Variants in DHX8 observed in about 807,000 individuals in gnomAD.
DHX8 encodes the protein DEAH-box helicase 8.
In DHX8, 67 loss-of-function variants were observed where a neutral mutation model predicts 140.7. That is an observed-to-expected ratio of 0.48 (90% CI 0.39 to 0.58). The LOEUF (loss-of-function observed/expected upper bound fraction) is 0.58, where lower values mean the gene tolerates loss of function less well. Among genes scored for constraint, DHX8 ranks in the 20% least tolerant of loss-of-function variants. DHX8 has a pLI of 0.00. For synonymous variants in DHX8, 533 were observed against 553.2 expected, an observed-to-expected ratio of 0.96 and a Z score of 0.51; for missense variants, 887 against 1,550.7, an observed-to-expected ratio of 0.57 and a Z score of 7.19.
intron 8 of DHX8, among the ~76,000 whole-genome samples, chr17:43,494,369 C>T (rs1465834941): frequency 6.6e-6 from 1 of 152,162 alleles, no homozygotes; most frequent in Non-Finnish European, 1.5e-5. Flanking sequence ...TACTCTACCT[C>T]ATGCCTCAGT....
rs774772142 is a variant in DHX8 at position 43,492,311 on chromosome 17, G to C, written c.503+19G>C. 3 of 1,600,902 alleles carry C rather than the reference G, an allele frequency of 1.9e-6. No homozygotes were observed. Among genetic ancestry groups the C allele is most frequent in the Non-Finnish European group, 2.6e-6 (3 of 1,168,972 alleles). ...AACACCGGTTTGTCCTTAGTGTCCT[G>C]TCCTTTGGAAGTTTAGGGTACTGTG... On this transcript the variant is annotated intron_variant, in intron 5 of 22. Coordinates refer to ENST00000262415, the MANE Select transcript of DHX8 (RefSeq NM_004941.3).
intron 2 of DHX8, chr17:43,532,926 G>C: frequency 6.4e-7 from 1 of 1,573,012 alleles, no homozygotes; most frequent in Non-Finnish European, 8.6e-7. Context: ...TCCAGGGGCT[G>C]CTGGAAGACG....
chr17:43,504,549 C>G, intron 11 of DHX8, 95 bp from the exon 12 acceptor site: 1 of 1,224,716 alleles, frequency 8.2e-7, no homozygotes, highest in South Asian at 1.5e-5. Context: ...AATTGAGATG[C>G]TGCATGTGCA....
At chr17:43,520,678 C>T in intron 19 of DHX8, 73 bp from the exon 20 acceptor site, 2 of 1,595,208 alleles carry the variant, frequency 1.3e-6, no homozygotes, top group Non-Finnish European at 1.7e-6. Flanking sequence ...CCACTCTGAC[C>T]AAGGTCTTGC....
rs780259581 is a variant in DHX8 at position 43,520,181 on chromosome 17, A to T, written c.2851A>T (p.Met951Leu). 6.8e-6 allele frequency: 11 copies of T among 1,614,100 alleles called. No homozygotes were observed. The South Asian group carries it at 1.2e-4, about 18-fold the overall frequency. Residue 951 changes from methionine to leucine, a missense_variant, in exon 19 of 23, where the codon ATG (methionine) becomes TTG (leucine). Met to Leu is a conservative substitution (Grantham distance 15). Coordinates refer to ENST00000262415, the MANE Select transcript of DHX8 (RefSeq NM_004941.3). Reference sequence around the variant, plus strand: ...CTTTGATTTCATGGATGCCCCACCTATGGAAACTTTGATCACAGCCATGGA... The same window carrying T: ...CTTTGATTTCATGGATGCCCCACCTTTGGAAACTTTGATCACAGCCATGGA... ...LSFDFMDAPP[M>L]ETLITAMEQL...
chr17:43,503,300 C>A (rs1969303220), intron 11 of DHX8, among the ~76,000 whole-genome samples: 1 of 151,996 alleles, frequency 6.6e-6, no homozygotes, highest in African/African-American at 2.4e-5. Flanking sequence ...GAGTTTGAGA[C>A]CAGCCTAGCC....
chr17:43,501,966 G>A (rs1969222669), intron 11 of DHX8, among the ~76,000 whole-genome samples: 1 of 152,196 alleles, frequency 6.6e-6, no homozygotes, highest in Non-Finnish European at 1.5e-5. Flanking sequence ...ATGTACTTGA[G>A]AAAAGTAATT....
intron 22 of DHX8, among the ~76,000 whole-genome samples, chr17:43,523,160 C>G (rs1013997115): frequency 6.6e-6 from 1 of 151,410 alleles, no homozygotes; most frequent in East Asian, 1.9e-4. Flanking sequence ...AAATTGGACT[C>G]TATCTAGAAC....
At chr17:43,505,300 T>C (rs556007374) in intron 12 of DHX8, among the ~76,000 whole-genome samples, 1 of 152,194 alleles carries the variant, frequency 6.6e-6, no homozygotes, top group East Asian at 1.9e-4. Context: ...TCCCAGCTAC[T>C]CTGGAGTCTG....
intron 3 of DHX8, 25 bp downstream of exon 3, chr17:43,490,488 T>G (rs772255319): frequency 6.3e-7 from 1 of 1,591,186 alleles, no homozygotes; most frequent in Non-Finnish European, 8.6e-7. Context: ...CAGCTGAGCT[T>G]AGCTTCTAGA....
downstream of DHX8, among the ~76,000 whole-genome samples, chr17:43,527,311 G>A (rs935271233): frequency 6.6e-6 from 1 of 152,142 alleles, no homozygotes; most frequent in African/African-American, 2.4e-5. Context: ...TCTGGCCTGG[G>A]AGCCTTTCTC....
downstream of DHX8, chr17:43,530,208 G>A: frequency 6.4e-7 from 1 of 1,552,644 alleles, no homozygotes; most frequent in Non-Finnish European, 8.7e-7. Context: ...GGTGATGTGA[G>A]AAGTGGCTTG....
At chr17:43,505,205 C>T (rs1391012990) in intron 12 of DHX8, among the ~76,000 whole-genome samples, 11 of 151,994 alleles carry the variant, frequency 7.2e-5, no homozygotes, top group Non-Finnish European at 1.3e-4. Context: ...TTCAGGAGTT[C>T]GAGACCATCC....
chr17:43,524,257 C>T lies in DHX8; in HGVS notation c.*410C>T, dbSNP rs1970522357. ...AAAGTGTTTGCCCCACTTCCCACCC[C>T]GTCTCCAGCCCCTGTACTTTGGCTT... On this transcript the variant is annotated 3_prime_UTR_variant, in exon 23 of 23. Coordinates refer to ENST00000262415, the MANE Select transcript of DHX8 (RefSeq NM_004941.3). 3.9e-6 allele frequency: 4 copies of T among 1,023,484 alleles called. No homozygotes were observed. The highest frequency in any genetic ancestry group is 5.2e-5 in the Admixed American group (1 of 19,166). 63.4% of individuals were successfully genotyped at this position (1,023,484 alleles called of 1,614,324 possible). A position where few individuals can be genotyped will look rare whatever the true frequency, so the allele number is the denominator to read the frequency against.
chr17:43,533,432 C>T, intron 2 of DHX8: 1 of 1,340,816 alleles, frequency 7.5e-7, no homozygotes, highest in Non-Finnish European at 1.0e-6. Context: ...AAAGCGAGGT[C>T]ACAGGGATTA....
chr17:43,500,296 CCAA>C (rs1969109396), intron 11 of DHX8, among the ~76,000 whole-genome samples, 193 bp downstream of exon 11: 1 of 152,022 alleles, frequency 6.6e-6, no homozygotes, highest in African/African-American at 2.4e-5. Flanking sequence ...ACCGACCTGG[CCAA>C]CATGGTGAAA....
At chr17:43,516,329 T>C (rs965214374) in intron 17 of DHX8, among the ~76,000 whole-genome samples, 4 of 152,240 alleles carry the variant, frequency 2.6e-5, no homozygotes, top group Non-Finnish European at 5.9e-5. Context: ...GTAGTTGATA[T>C]ATAAAGACTT....
At chr17:43,497,375 T>C (rs1472055275) in intron 9 of DHX8, among the ~76,000 whole-genome samples, 3 of 152,248 alleles carry the variant, frequency 2.0e-5, no homozygotes, top group African/African-American at 7.2e-5. Context: ...TTGGTTAATC[T>C]TTGTGAATAA....
intron 16 of DHX8, among the ~76,000 whole-genome samples, chr17:43,509,072 G>A (rs985385453): frequency 2.0e-5 from 3 of 152,148 alleles, no homozygotes; most frequent in Non-Finnish European, 2.9e-5. Flanking sequence ...CAGGCTTTGG[G>A]CTACACATGG....
Sources: gnomAD v4.1 joint callset for allele counts (sites outside exome capture counted in the v4.1 genomes callset) on GRCh38, gnomAD v4.1.1 for gene constraint, MANE v1.5 for transcripts, NCBI Gene and HGNC (gene_info 2026-07-23, HGNC 2026-07-21) for gene names.